Variants in DPP8 observed in about 807,000 individuals in gnomAD.
DPP8 encodes dipeptidyl peptidase 8.
A neutral mutation model predicts 107.5 loss-of-function variants in DPP8; 31 were observed. That is an observed-to-expected ratio of 0.29 (90% CI 0.22 to 0.39). The LOEUF is 0.39. DPP8 is among the 10% of genes least tolerant of loss of function. DPP8 has a pLI of 1.00. For missense variants in DPP8, 842 were observed against 1,076.1 expected (o/e 0.78, Z 3.04); for synonymous variants, 381 against 356.6 (o/e 1.07, Z -0.77).
intron 1 of DPP8, among the ~76,000 whole-genome samples, chr15:65,513,674 A>AT (rs1451043891): frequency 2.0e-5 from 3 of 152,238 alleles, no homozygotes; most frequent in Non-Finnish European, 4.4e-5. Flanking sequence ...CAGTATTTAG[A>AT]TAAAAAGTAT....
chr15:65,485,136 A>C lies in DPP8; in HGVS notation c.980T>G (p.Phe327Cys). 1.2e-6 allele frequency: 2 copies of C among 1,609,946 alleles called. No individual in the cohort carries two copies. Among genetic ancestry groups the C allele is most frequent in the South Asian group, 2.2e-5 (2 of 90,988 alleles). The change falls in exon 8 of 20, where the codon TTT (phenylalanine) becomes TGT (cysteine). Residue 327 changes from phenylalanine (F) to cysteine (C), a missense_variant. Coordinates refer to ENST00000300141, the MANE Select transcript of DPP8 (RefSeq NM_130434.5). ...ATCAATCATTATTTCTGACATCTTA[A>C]AAGTGACTTTAGGATTTGCTGTACC... ...KTGTANPKVT[F>C]KMSEIMIDAE...
chr15:65,473,759 A>C (rs2066127841), intron 12 of DPP8, among the ~76,000 whole-genome samples: 1 of 152,192 alleles, frequency 6.6e-6, no homozygotes, highest in Admixed American at 6.6e-5. Flanking sequence ...AACTAAGATT[A>C]TTTCTTTCCA....
At chr15:65,488,518 G>A (rs2067658479) in intron 6 of DPP8, among the ~76,000 whole-genome samples, 1 of 148,466 alleles carries the variant, frequency 6.7e-6, no homozygotes, top group African/African-American at 2.5e-5. Context: ...TGAGGTGAGA[G>A]GATTGCTTGA....
intron 2 of DPP8, among the ~76,000 whole-genome samples, chr15:65,508,306 T>A (rs2070328419): frequency 6.6e-6 from 1 of 151,990 alleles, no homozygotes; most frequent in African/African-American, 2.4e-5. Context: ...AAAACTATAC[T>A]AATATTAAAA....
chr15:65,474,346 CAATT>C (rs2066192261), intron 11 of DPP8, 58 bp from the exon 12 acceptor site: 2 of 1,262,708 alleles, frequency 1.6e-6, no homozygotes, highest in Non-Finnish European at 2.3e-6. Flanking sequence ...GCAAATGAAA[CAATT>C]AAGAACAGTA....
At chr15:65,464,255 C>T (rs545919660) in intron 14 of DPP8, among the ~76,000 whole-genome samples, 4 of 152,084 alleles carry the variant, frequency 2.6e-5, no homozygotes, top group Admixed American at 6.5e-5. Context: ...CCCAGCTACT[C>T]GGGAGGCTGA....
intron 7 of DPP8, among the ~76,000 whole-genome samples, chr15:65,487,173 G>A (rs2067526280): frequency 1.3e-5 from 2 of 150,488 alleles, no homozygotes; most frequent in Non-Finnish European, 3.0e-5. Context: ...TTCTGAGATA[G>A]AGTTTCACTC....
intron 8 of DPP8, among the ~76,000 whole-genome samples, chr15:65,483,830 A>G (rs1263856369): frequency 6.6e-6 from 1 of 152,168 alleles, no homozygotes; most frequent in Admixed American, 6.5e-5. Context: ...AACAATCAAA[A>G]TGTTCATCAC....
chr15:65,482,530 T>C (rs1260161294), intron 8 of DPP8, among the ~76,000 whole-genome samples: 1 of 152,046 alleles, frequency 6.6e-6, no homozygotes. Flanking sequence ...GATCTGCCTG[T>C]CTGCCAAATA....
chr15:65,491,343 G>C (rs2068013401), intron 5 of DPP8, among the ~76,000 whole-genome samples: 1 of 152,060 alleles, frequency 6.6e-6, no homozygotes. Flanking sequence ...TTTTGAGTAG[G>C]ATTTAAAAAT....
Position 65,497,913 on chromosome 15 carries a change from T to C in DPP8, c.666A>G (p.Ile222Met), listed in dbSNP as rs748367640. 1 of 1,594,876 alleles carries C rather than the reference T, an allele frequency of 6.3e-7. No homozygotes were observed. The highest frequency in any genetic ancestry group is 8.6e-7 in the Non-Finnish European group (1 of 1,167,908). The change falls in exon 5 of 20, where the codon ATA (isoleucine) becomes ATG (methionine). Residue 222 changes from isoleucine (I) to methionine (M), a missense_variant. Physicochemically the swap from Ile to Met is conservative, Grantham distance 10 (BLOSUM62 1). Around this residue, in one of 2 missense-constraint regions of DPP8, gnomAD observed 663 missense variants for 758.0 expected, o/e 0.87. Coordinates refer to ENST00000300141, the MANE Select transcript of DPP8 (RefSeq NM_130434.5). ...TTTCTTCTCTGGTTACGATGTTAGA[T>C]ATCCAAATATCGTTGCTATGTATAA... Reference protein sequence around the residue: ...IAFIHSNDIWISNIVTREERR... With the variant: ...IAFIHSNDIWMSNIVTREERR...
At chr15:65,509,131 A>G (rs142551663) in intron 2 of DPP8, among the ~76,000 whole-genome samples, 5 of 152,274 alleles carry the variant, frequency 3.3e-5, no homozygotes, top group African/African-American at 7.2e-5. Flanking sequence ...AAAAAGTTAT[A>G]TATCAGCTGA....
intron 13 of DPP8, 45 bp downstream of exon 13, chr15:65,467,026 A>C: frequency 1.6e-5 from 25 of 1,604,898 alleles, no homozygotes; most frequent in Non-Finnish European, 2.1e-5. Flanking sequence ...ACATAAGCAG[A>C]GAGTTTTAAT....
intron 15 of DPP8, among the ~76,000 whole-genome samples, chr15:65,460,585 T>C (rs1410601450): frequency 6.6e-6 from 1 of 152,234 alleles, no homozygotes; most frequent in Non-Finnish European, 1.5e-5. Flanking sequence ...ATTTGTCCTT[T>C]TGTGTCTGGC....
At chr15:65,513,688 CTG>C (rs1382551447) in intron 1 of DPP8, among the ~76,000 whole-genome samples, 1 of 152,080 alleles carries the variant, frequency 6.6e-6, no homozygotes, top group African/African-American at 2.4e-5. Flanking sequence ...AAAGTATAAA[CTG>C]GGGTTTACCG....
chr15:65,499,516 C>A (rs2140985025), intron 4 of DPP8, among the ~76,000 whole-genome samples: 1 of 151,500 alleles, frequency 6.6e-6, no homozygotes. Context: ...AGCCACCATG[C>A]ATGGCCTACT....
At chr15:65,450,809 T>C in intron 19 of DPP8, 190 bp downstream of exon 19, 6 of 494,462 alleles carry the variant, frequency 1.2e-5, no homozygotes, top group Non-Finnish European at 2.1e-5. Context: ...GGCAGGTATG[T>C]CAGCCTGACT....
chr15:65,451,834 AG>A (rs1241850077), intron 18 of DPP8, 125 bp downstream of exon 18: 8 of 936,314 alleles, frequency 8.5e-6, no homozygotes, highest in Admixed American at 5.8e-5. Context: ...CTGAGGTGGG[AG>A]GATCCTCTGA....
chr15:65,455,528 T>C, intron 16 of DPP8: 2 of 390,586 alleles, frequency 5.1e-6, no homozygotes, highest in South Asian at 3.7e-5. Flanking sequence ...CTCTAGGAAC[T>C]GAACATACTA....
Sources: gnomAD v4.1 joint callset for allele counts (sites outside exome capture counted in the v4.1 genomes callset) on GRCh38, gnomAD v4.1.1 for gene constraint, gnomAD v4.1.1 regional missense constraint, MANE v1.5 for transcripts, NCBI Gene and HGNC (gene_info 2026-07-23, HGNC 2026-07-21) for gene names.